The following PPP2R2C variants were observed in gnomAD, a reference collection of about 807,000 sequenced individuals.
The protein encoded by PPP2R2C is protein phosphatase 2 regulatory subunit Bgamma, also known as protein phosphatase 2, regulatory subunit B, gamma.
PPP2R2C carries 10 observed loss-of-function variants against 45.3 expected under a neutral mutation model. The ratio of observed to expected loss-of-function variants is 0.22; its 90% CI spans 0.14 to 0.37. The LOEUF is 0.37. Ranked by LOEUF, PPP2R2C falls within the 10% of genes least tolerant of loss-of-function variation. PPP2R2C has a pLI of 1.00. For synonymous variants in PPP2R2C, 257 were observed against 245.4 expected (o/e 1.05, Z -0.44); for missense variants, 308 against 619.7 (o/e 0.50, Z 5.34).
intron 2 of PPP2R2C, among the ~76,000 whole-genome samples, chr4:6,478,795 C>G (rs914081263): frequency 2.0e-5 from 3 of 152,238 alleles, no homozygotes; most frequent in Admixed American, 6.5e-5. Context: ...ACTCCTGCTG[C>G]GTGTGCATCT....
At chr4:6,515,012 T>C (rs544850260) in intron 2 of PPP2R2C, among the ~76,000 whole-genome samples, 5 of 152,078 alleles carry the variant, frequency 3.3e-5, no homozygotes, top group African/African-American at 1.2e-4. Context: ...CACCCTAATC[T>C]AGTAGGTCCT....
At chr4:6,492,165 C>T (rs1351842369) in intron 2 of PPP2R2C, among the ~76,000 whole-genome samples, 2 of 152,218 alleles carry the variant, frequency 1.3e-5, no homozygotes, top group Non-Finnish European at 2.9e-5. Flanking sequence ...CTCCATGGGA[C>T]CCTCTCTGCC....
rs1247046424 is a variant in PPP2R2C at position 6,467,997 on chromosome 4, T to C, written c.70+4163A>G. On this transcript the variant is annotated intron_variant, in intron 1 of 8. Coordinates refer to ENST00000382599, the MANE Select transcript of PPP2R2C (RefSeq NM_020416.4). Reference sequence around the variant, plus strand: ...ACTCCCACATCCATTCTGGAACCAGTCACTGCAAGGGGAATGAGATCATCC... The same window carrying C: ...ACTCCCACATCCATTCTGGAACCAGCCACTGCAAGGGGAATGAGATCATCC... 2.6e-5 allele frequency among the ~76,000 whole-genome samples: 4 copies of C among 152,138 alleles called. No individual in the cohort carries two copies. The East Asian group carries it at 7.7e-4, about 29-fold the overall frequency.
At chr4:6,484,884 ACTT>A (rs1319540396) in intron 2 of PPP2R2C, among the ~76,000 whole-genome samples, 4 of 151,930 alleles carry the variant, frequency 2.6e-5, no homozygotes, top group African/African-American at 9.6e-5. Context: ...AGACAGTTTT[ACTT>A]CTTCTTTTCT....
At chr4:6,410,948 A>AAGCTCC (rs1718150310) in intron 1 of PPP2R2C, among the ~76,000 whole-genome samples, 1 of 151,874 alleles carries the variant, frequency 6.6e-6, no homozygotes, top group South Asian at 2.1e-4. Flanking sequence ...TGCTCACTGC[A>AAGCTCC]GCTTCAACCC....
intron 2 of PPP2R2C, among the ~76,000 whole-genome samples, chr4:6,511,523 T>G (rs1577229326): frequency 1.5e-4 from 2 of 13,494 alleles, no homozygotes; most frequent in East Asian, 9.3e-3. Flanking sequence ...GTGGTGGTGG[T>G]GATGGTGGTG....
chr4:6,463,129 A>C (rs1721415684), intron 1 of PPP2R2C, among the ~76,000 whole-genome samples: 1 of 152,252 alleles, frequency 6.6e-6, no homozygotes, highest in Non-Finnish European at 1.5e-5. Context: ...ATGATCATGA[A>C]AGAGCTCCCT....
At position 6,372,914 on chromosome 4, in the gene PPP2R2C, C is replaced by T. The variant is rs115866075; in HGVS notation, c.448-214G>A. ...GCATGGATGCTTACCTGCTGTGGGTCTGTGAATAAGTGGCTGAACCCTCCT... is the reference window on the plus strand; with the variant it reads ...GCATGGATGCTTACCTGCTGTGGGTTTGTGAATAAGTGGCTGAACCCTCCT... On this transcript the variant is annotated intron_variant, in intron 4 of 8. Coordinates refer to ENST00000382599, the MANE Select transcript of PPP2R2C (RefSeq NM_020416.4). 2.9e-3 allele frequency among the ~76,000 whole-genome samples: 445 copies of T among 152,358 alleles called. 1 individual carries two copies. The highest frequency in any genetic ancestry group is 0.01 in the African/African-American group (431 of 41,592).
chr4:6,327,680 G>T (rs893506884), intron 8 of PPP2R2C, among the ~76,000 whole-genome samples: 1 of 152,164 alleles, frequency 6.6e-6, no homozygotes, highest in African/African-American at 2.4e-5. Context: ...CTATCTGGGG[G>T]CAGGGCCTAG....
At chr4:6,404,419 G>A (rs1717651250) in intron 1 of PPP2R2C, among the ~76,000 whole-genome samples, 1 of 152,206 alleles carries the variant, frequency 6.6e-6, no homozygotes, top group African/African-American at 2.4e-5. Context: ...TTGGGGACGG[G>A]TGCCAGCTGC....
intron 4 of PPP2R2C, 78 bp downstream of exon 4, chr4:6,375,741 C>T: frequency 7.8e-7 from 1 of 1,277,006 alleles, no homozygotes; most frequent in South Asian, 1.4e-5. Context: ...TGGCTCAAAT[C>T]TCAAAGGCTT....
chr4:6,346,073 C>T (rs563700268), intron 6 of PPP2R2C, among the ~76,000 whole-genome samples: 15 of 152,268 alleles, frequency 9.9e-5, no homozygotes, highest in Admixed American at 1.3e-4. Context: ...AGGCAAAGCT[C>T]GACCTCCAAG....
At chr4:6,348,665 C>A (rs1712237249) in intron 5 of PPP2R2C, 1 of 985,272 alleles carries the variant, frequency 1.0e-6, no homozygotes, top group Non-Finnish European at 1.2e-6. Context: ...GGCTGGGATG[C>A]AGCTTGGTCA....
At chr4:6,408,157 G>C (rs1455301497) in intron 1 of PPP2R2C, among the ~76,000 whole-genome samples, 2 of 152,090 alleles carry the variant, frequency 1.3e-5, no homozygotes, top group East Asian at 3.9e-4. Flanking sequence ...GGAAATTATT[G>C]GGAATTTAAA....
intron 1 of PPP2R2C, among the ~76,000 whole-genome samples, chr4:6,554,061 T>G (rs1027277369): frequency 1.3e-5 from 2 of 152,208 alleles, no homozygotes; most frequent in East Asian, 1.9e-4. Context: ...AGGGGGTGAC[T>G]GCTATGGGTT....
At chr4:6,484,671 T>C in intron 2 of PPP2R2C, among the ~76,000 whole-genome samples, 1 of 151,888 alleles carries the variant, frequency 6.6e-6, no homozygotes, top group East Asian at 1.9e-4. Context: ...CATCAGTGTT[T>C]TATAATTTTC....
intron 2 of PPP2R2C, among the ~76,000 whole-genome samples, chr4:6,479,387 T>C (rs1722271814): frequency 1.3e-5 from 2 of 152,274 alleles, no homozygotes; most frequent in South Asian, 4.2e-4. Context: ...TTTCCTCCAG[T>C]GAAATGATAA....
At chr4:6,381,671 C>A in intron 1 of PPP2R2C, 1 of 1,515,818 alleles carries the variant, frequency 6.6e-7, no homozygotes, top group African/African-American at 1.4e-5. Flanking sequence ...TCTCTGCTCG[C>A]AGAAGCGAAG....
intron 1 of PPP2R2C, among the ~76,000 whole-genome samples, chr4:6,407,536 A>C (rs1717881877): frequency 6.6e-6 from 1 of 152,132 alleles, no homozygotes; most frequent in Admixed American, 6.5e-5. Flanking sequence ...CTGGGACAAC[A>C]GGCACCCGCC....
Sources: allele counts gnomAD v4.1 joint callset (sites outside exome capture counted in the v4.1 genomes callset), GRCh38; gene constraint gnomAD v4.1.1; transcripts MANE v1.5; gene names NCBI Gene and HGNC (gene_info 2026-07-23, HGNC 2026-07-21).